Variants in MFN1 observed in about 807,000 individuals in gnomAD.
The protein encoded by MFN1 is mitofusin-1.
MFN1 carries 65 observed loss-of-function variants against 92.4 expected under a neutral mutation model. The observed-to-expected ratio is 0.70, with a 90% CI of 0.58 to 0.86. The LOEUF (loss-of-function observed/expected upper bound fraction) is 0.86, where lower values mean the gene tolerates loss of function less well. MFN1 is among the 40% of genes least tolerant of loss of function. The probability of loss-of-function intolerance (pLI) is 0.00; values close to 1 mark genes in which losing one functional copy is unlikely to be tolerated. For missense variants in MFN1, 781 were observed against 868.0 expected (o/e 0.90, Z 1.26); for synonymous variants, 297 against 300.9 (o/e 0.99, Z 0.13).
At chr3:179,358,539 T>G (rs1016188591) in intron 3 of MFN1, among the ~76,000 whole-genome samples, 4 of 152,192 alleles carry the variant, frequency 2.6e-5, no homozygotes, top group African/African-American at 9.7e-5. Context: ...AGACCCCATC[T>G]TGTGATAGGA....
intron 1 of MFN1, among the ~76,000 whole-genome samples, chr3:179,348,312 A>G (rs918301137): frequency 3.3e-5 from 5 of 152,194 alleles, no homozygotes; most frequent in African/African-American, 1.2e-4. Flanking sequence ...GAAACCACCT[A>G]TGCTTTCTTA....
At chr3:179,382,788 A>G (rs28855528) in intron 14 of MFN1, among the ~76,000 whole-genome samples, 7,916 of 152,170 alleles carry the variant, frequency 0.052, 662 homozygotes, top group African/African-American at 0.18. Flanking sequence ...ATGATATCTC[A>G]TTGTGGTTTT....
Position 179,362,370 on chromosome 3 carries a change from C to T in MFN1, c.424C>T (p.Leu142=). The change falls in exon 5 of 18, where the codon CTG becomes TTG. Residue 142 remains leucine, a synonymous_variant. Transcript: ENST00000471841. ...CCTCCTGCTTTAGACAGTTAATCAA[C>T]TGGCCCATGCCCTTCACATGGACAA... ...EKKSVKTVNQ[L]AHALHMDKDL... The T allele has an allele frequency of 6.2e-7, 1 of 1,608,134 alleles. No individual in the cohort carries two copies. The highest frequency in any genetic ancestry group is 8.5e-7 in the Non-Finnish European group (1 of 1,178,018).
intron 16 of MFN1, among the ~76,000 whole-genome samples, chr3:179,386,967 G>A (rs1560201686): frequency 6.6e-6 from 1 of 152,044 alleles, no homozygotes. Context: ...GCCCAGGCTG[G>A]AGGGCAGTGG....
Position 179,356,064 on chromosome 3 carries a change from C to A in MFN1, c.249-2776C>A, listed in dbSNP as rs74988068. On this transcript the variant is annotated intron_variant, in intron 3 of 17. Coordinates refer to ENST00000471841, the MANE Select transcript of MFN1 (RefSeq NM_033540.3). The stretch of plus-strand genomic sequence containing the variant: ...CATTCTTGTCACAGAGCTTCTAAAA[C>A]CATAGGAATTCCCTGAGTGATTGGA... Among the ~76,000 whole-genome samples the A allele has an allele frequency of 8.0e-3, 1,219 of 152,290 alleles. 20 individuals are homozygous for A. Among genetic ancestry groups the A allele is most frequent in the African/African-American group, 0.028 (1,165 of 41,556 alleles).
chr3:179,372,668 CAG>C (rs1235241803), intron 9 of MFN1, among the ~76,000 whole-genome samples: 2 of 152,132 alleles, frequency 1.3e-5, no homozygotes, highest in African/African-American at 4.8e-5. Flanking sequence ...TTGAATCAGA[CAG>C]TAACTTATAT....
Position 179,378,268 on chromosome 3 carries a change from A to G in MFN1, c.1330-73A>G, listed in dbSNP as rs1577013018. ...AAAAGACCATTTTGGCATTTACTGA[A>G]TATTTTATGTCTTTATAAAAACTAC... On this transcript the variant is annotated intron_variant, in intron 12 of 17. Transcript: ENST00000471841. The G allele has an allele frequency of 3.5e-6, 4 of 1,158,880 alleles. No individual in the cohort carries two copies. In the Admixed American group the frequency reaches 8.7e-5, roughly 25 times the overall value. The allele number at this position is 1,158,880 out of a possible 1,614,324, so 71.8% of individuals were successfully genotyped here.
chr3:179,373,229 A>G (rs1331388514), intron 9 of MFN1, among the ~76,000 whole-genome samples: 1 of 151,458 alleles, frequency 6.6e-6, no homozygotes, highest in Non-Finnish European at 1.5e-5. Flanking sequence ...TGAAGAGGGG[A>G]GCTAAAATGG....
chr3:179,349,047 A>T, intron 2 of MFN1, 84 bp downstream of exon 2: 1 of 1,120,036 alleles, frequency 8.9e-7, no homozygotes, highest in East Asian at 2.4e-5. Context: ...TATTGAACAC[A>T]TGTATAGGGC....
chr3:179,387,172 C>G (rs1320083552), intron 16 of MFN1, among the ~76,000 whole-genome samples: 2 of 152,118 alleles, frequency 1.3e-5, no homozygotes, highest in East Asian at 3.9e-4. Flanking sequence ...ATCCTCCCTC[C>G]TCAAGCCTCC....
chr3:179,353,829 C>G (rs139727507), intron 3 of MFN1, among the ~76,000 whole-genome samples: 5 of 152,258 alleles, frequency 3.3e-5, no homozygotes, highest in Non-Finnish European at 7.3e-5. Flanking sequence ...TTTGCCCTTG[C>G]AATTCCCTTT....
intron 5 of MFN1, among the ~76,000 whole-genome samples, chr3:179,362,804 G>A (rs1004548724): frequency 2.6e-5 from 4 of 152,130 alleles, no homozygotes; most frequent in African/African-American, 9.7e-5. Flanking sequence ...CTCCTGGGTA[G>A]CTGGGATTAC....
In MFN1 at chr3:179,374,315, CATATATAACATATATAT is replaced by C. The variant is rs1713138553; in HGVS notation, c.976-904_976-888del. ...AAGACTGTCAAAAATATATATATAA[CATATATAACATATATAT>C]GTAATATATATATAACATATATAAC... On this transcript the variant is annotated intron_variant, in intron 9 of 17. Transcript: ENST00000471841. Among the ~76,000 whole-genome samples, 10 of 60,206 alleles carry C rather than the reference CATATATAACATATATAT, an allele frequency of 1.7e-4. 1 individual carries two copies. In the South Asian group the frequency reaches 4.4e-3, roughly 26 times the overall value. The allele number at this position is 60,206 out of a possible 152,430, so 39.5% of individuals were successfully genotyped here.
intron 17 of MFN1, among the ~76,000 whole-genome samples, chr3:179,391,515 A>G (rs1302417223): frequency 6.6e-6 from 1 of 152,184 alleles, no homozygotes; most frequent in Non-Finnish European, 1.5e-5. Context: ...GACCTGAAGC[A>G]TATGCACACA....
At chr3:179,347,922 C>T (rs1209016348) in intron 1 of MFN1, 112 bp downstream of exon 1, 1 of 152,250 alleles carries the variant, frequency 6.6e-6, no homozygotes, top group Non-Finnish European at 1.5e-5. Flanking sequence ...AGGCGCCGCC[C>T]GCCGCGGTCC....
intron 5 of MFN1, 47 bp downstream of exon 5, chr3:179,362,529 G>A (rs771449530): frequency 1.3e-6 from 2 of 1,533,020 alleles, no homozygotes; most frequent in African/African-American, 1.4e-5. Flanking sequence ...TTATTTAATA[G>A]TATAATACTG....
rs1714010963 is a variant in MFN1 at position 179,394,310 on chromosome 3, T to C, written c.*2251T>C. The C allele has an allele frequency of 6.6e-6, 1 of 152,076 alleles. No homozygotes were observed. Among genetic ancestry groups the C allele is most frequent in the Admixed American group, 6.6e-5 (1 of 15,244 alleles). 9.4% of individuals were successfully genotyped at this position (152,076 alleles called of 1,614,324 possible). The stretch of plus-strand genomic sequence containing the variant: ...GGGGTACCACTGGTATTAGGTTTGG[T>C]ATGGCAACTTTTTCATCACTTGTTT... On this transcript the variant is annotated 3_prime_UTR_variant, in exon 18 of 18. Coordinates refer to ENST00000471841, the MANE Select transcript of MFN1 (RefSeq NM_033540.3).
chr3:179,354,753 G>A (rs559536294), intron 3 of MFN1, among the ~76,000 whole-genome samples: 7 of 152,144 alleles, frequency 4.6e-5, no homozygotes, highest in Non-Finnish European at 7.4e-5. Context: ...TCCAGGTAAC[G>A]GGTAGGCAAT....
At chr3:179,349,479 A>C (rs1034073880) in intron 2 of MFN1, among the ~76,000 whole-genome samples, 1 of 151,914 alleles carries the variant, frequency 6.6e-6, no homozygotes, top group Admixed American at 6.6e-5. Context: ...GTTAAAGGTG[A>C]TGAGGAATGT....
Sources: allele counts gnomAD v4.1 joint callset (sites outside exome capture counted in the v4.1 genomes callset), GRCh38; gene constraint gnomAD v4.1.1; transcripts MANE v1.5; gene names NCBI Gene and HGNC (gene_info 2026-07-23, HGNC 2026-07-21).